Variants in SMAD2 observed in about 807,000 individuals in gnomAD.
The protein encoded by SMAD2 is MAD homolog 2.
SMAD2 carries 8 observed loss-of-function variants against 64.4 expected under a neutral mutation model. That is an observed-to-expected ratio of 0.12 (90% CI 0.07 to 0.22). The LOEUF is 0.22. SMAD2 is among the 10% of genes least tolerant of loss of function. The pLI is 1.00. For synonymous variants in SMAD2, 203 were observed against 195.8 expected, an observed-to-expected ratio of 1.04 and a Z score of -0.31; for missense variants, 289 against 561.2, an observed-to-expected ratio of 0.51 and a Z score of 4.90.
At chr18:47,914,765 A>G (rs550947737) in intron 1 of SMAD2, among the ~76,000 whole-genome samples, 15 of 152,242 alleles carry the variant, frequency 9.9e-5, no homozygotes, top group African/African-American at 3.1e-4. Context: ...GTTAGTCTTG[A>G]TATTTGTCAG....
chr18:47,901,002 A>G (rs1331645003), intron 1 of SMAD2, among the ~76,000 whole-genome samples: 1 of 152,166 alleles, frequency 6.6e-6, no homozygotes, highest in Non-Finnish European at 1.5e-5. Context: ...TTCTAGTACA[A>G]TTTCCATGTG....
intron 2 of SMAD2, among the ~76,000 whole-genome samples, chr18:47,870,867 A>C (rs1428334901): frequency 6.6e-6 from 1 of 152,210 alleles, no homozygotes; most frequent in Non-Finnish European, 1.5e-5. Flanking sequence ...TATTCAAAAG[A>C]TCTAAAACCT....
chr18:47,841,809 G>A lies in SMAD2; in HGVS notation c.*18C>T, dbSNP rs1412949195. 1.2e-6 allele frequency: 2 copies of A among 1,613,956 alleles called. No individual in the cohort carries two copies. Among genetic ancestry groups the A allele is most frequent in the East Asian group, 4.5e-5 (2 of 44,854 alleles). Reference sequence around the variant, plus strand: ...GTTGTTACATTAAGTCTTTTCATGGGACTTGATTGGTGAAGCTTTATGACA... The same window carrying A: ...GTTGTTACATTAAGTCTTTTCATGGAACTTGATTGGTGAAGCTTTATGACA... On this transcript the variant is annotated 3_prime_UTR_variant, in exon 11 of 11. Transcript: ENST00000262160.
At chr18:47,918,914 G>A (rs556268774) in intron 1 of SMAD2, among the ~76,000 whole-genome samples, 8 of 152,240 alleles carry the variant, frequency 5.3e-5, no homozygotes, top group Admixed American at 5.2e-4. Context: ...ATGCAGAGTA[G>A]GGGAGTCAAA....
At chr18:47,905,238 A>G (rs777614568) in intron 1 of SMAD2, among the ~76,000 whole-genome samples, 18 of 152,312 alleles carry the variant, frequency 1.2e-4, no homozygotes, top group South Asian at 8.3e-4. Context: ...TATTTTCTAC[A>G]TATCTAAAGA....
At chr18:47,844,307 T>C (rs528127255) in intron 10 of SMAD2, among the ~76,000 whole-genome samples, 1 of 152,186 alleles carries the variant, frequency 6.6e-6, no homozygotes, top group South Asian at 2.1e-4. Context: ...ACAAATAAAT[T>C]TGGAAGGGAC....
upstream of SMAD2, chr18:47,930,864 G>A (rs1218199567): frequency 6.7e-6 from 1 of 149,708 alleles, no homozygotes; most frequent in African/African-American, 2.4e-5. Flanking sequence ...CGCGCGGGTA[G>A]ACCCGCCTGC....
At chr18:47,873,096 T>A (rs920988819) in intron 2 of SMAD2, among the ~76,000 whole-genome samples, 11 of 151,904 alleles carry the variant, frequency 7.2e-5, no homozygotes, top group South Asian at 2.1e-4. Flanking sequence ...CACCTCAGCC[T>A]CCCAAAATGC....
At chr18:47,847,093 A>C (rs1914572228) in intron 8 of SMAD2, among the ~76,000 whole-genome samples, 2 of 152,192 alleles carry the variant, frequency 1.3e-5, no homozygotes, top group South Asian at 4.1e-4. Context: ...TAACGACAGC[A>C]ATCTAAAACT....
intron 1 of SMAD2, among the ~76,000 whole-genome samples, chr18:47,913,802 C>T (rs1245968711): frequency 6.6e-6 from 1 of 152,178 alleles, no homozygotes; most frequent in African/African-American, 2.4e-5. Flanking sequence ...AATGGTGTGG[C>T]AGCAAGTTCT....
intron 1 of SMAD2, among the ~76,000 whole-genome samples, chr18:47,904,420 C>T (rs2033822269): frequency 6.6e-6 from 1 of 151,774 alleles, no homozygotes; most frequent in Non-Finnish European, 1.5e-5. Context: ...ACAAACATGC[C>T]TTTCACTCTG....
intron 1 of SMAD2, among the ~76,000 whole-genome samples, chr18:47,917,171 A>G (rs1267501727): frequency 1.3e-5 from 2 of 152,174 alleles, no homozygotes; most frequent in Non-Finnish European, 2.9e-5. Flanking sequence ...GTGCTTGCTA[A>G]TTGTACTCTT....
At chr18:47,916,039 C>T (rs1193114498) in intron 1 of SMAD2, among the ~76,000 whole-genome samples, 3 of 152,158 alleles carry the variant, frequency 2.0e-5, no homozygotes, top group African/African-American at 7.2e-5. Flanking sequence ...TGGCCTTTCT[C>T]CTTTAATGTG....
rs1053011759 is a variant in SMAD2, at chr18:47,834,352, T to C, written c.*7475A>G. 3 of 207,948 alleles carry C rather than the reference T, an allele frequency of 1.4e-5. No homozygotes were observed. The highest frequency in any genetic ancestry group is 2.9e-5 in the Non-Finnish European group (3 of 102,052). 12.9% of individuals were successfully genotyped at this position (207,948 alleles called of 1,614,324 possible). A position where few individuals can be genotyped will look rare whatever the true frequency, so the allele number is the denominator to read the frequency against. On this transcript the variant is annotated 3_prime_UTR_variant, in exon 11 of 11. Transcript: ENST00000262160. ...ATGGAGAATCGCTTTTGGGCAGTGGTTAAGGCCTCTGATGTGCTACTTATC... is the reference window on the plus strand; with the variant it reads ...ATGGAGAATCGCTTTTGGGCAGTGGCTAAGGCCTCTGATGTGCTACTTATC...
At chr18:47,921,468 C>T (rs1373790737) in intron 1 of SMAD2, among the ~76,000 whole-genome samples, 3 of 152,118 alleles carry the variant, frequency 2.0e-5, no homozygotes, top group Non-Finnish European at 2.9e-5. Flanking sequence ...ATTATGTATA[C>T]AAAAATTCAC....
Position 47,869,316 on chromosome 18 carries a change from G to A in SMAD2, c.447C>T (p.Cys149=), listed in dbSNP as rs1221948555. Residue 149 remains cysteine (C), a synonymous_variant, in exon 4 of 11, where the codon TGC becomes TGT. Coordinates refer to ENST00000262160, the MANE Select transcript of SMAD2 (RefSeq NM_005901.6). ...SHHELKAIEN[C]EYAFNLKKDE... ...CCTTTTTAAGATTAAAAGCATATTC[G>A]CAGTTTTCAATTGCCTTGAGTTCAT... 6.2e-6 allele frequency: 10 copies of A among 1,613,280 alleles called. No homozygotes were observed. The East Asian group carries it at 6.7e-5, about 11-fold the overall frequency.
intron 2 of SMAD2, among the ~76,000 whole-genome samples, chr18:47,890,658 T>C (rs1184274717): frequency 6.6e-6 from 1 of 152,222 alleles, no homozygotes; most frequent in Admixed American, 6.5e-5. Context: ...CCCTAGGATC[T>C]ACATTCATCA....
At chr18:47,923,123 T>C (rs1441610451) in intron 1 of SMAD2, among the ~76,000 whole-genome samples, 4 of 150,836 alleles carry the variant, frequency 2.7e-5, no homozygotes, top group Non-Finnish European at 5.9e-5. Context: ...TCCACAACTC[T>C]ATAATCAACT....
chr18:47,911,102 A>G (rs2034112621), intron 1 of SMAD2, among the ~76,000 whole-genome samples: 1 of 152,186 alleles, frequency 6.6e-6, no homozygotes, highest in Non-Finnish European at 1.5e-5. Flanking sequence ...CTGTAATCCC[A>G]GCACTTTGAG....
Sources: gnomAD v4.1 joint callset for allele counts (sites outside exome capture counted in the v4.1 genomes callset) on GRCh38, gnomAD v4.1.1 for gene constraint, MANE v1.5 for transcripts, NCBI Gene and HGNC (gene_info 2026-07-23, HGNC 2026-07-21) for gene names.